Variants in ALG10B observed in about 807,000 individuals in gnomAD.
ALG10B encodes dol-P-Glc:Glc(2)Man(9)GlcNAc(2)-PP-Dol alpha-1,2-glucosyltransferase B.
ALG10B carries 27 observed loss-of-function variants against 38.7 expected under a neutral mutation model. That is an observed-to-expected ratio of 0.70 (90% CI 0.51 to 0.96). ALG10B has a LOEUF of 0.96. ALG10B is among the 40% of genes least tolerant of loss of function. The pLI is 0.00. For missense variants in ALG10B, 522 were observed against 542.7 expected (o/e 0.96, Z 0.38); for synonymous variants, 177 against 193.3 (o/e 0.92, Z 0.70).
rs112480678 is a variant in ALG10B at position 38,317,784 on chromosome 12, G to C, written c.172-477G>C. The C allele has an allele frequency of 4.9e-3, 847 of 173,818 alleles. 5 individuals are homozygous for C. Among genetic ancestry groups the C allele is most frequent in the Middle Eastern group, 5.8e-3 (2 of 344 alleles). The allele number at this position is 173,818 out of a possible 1,614,324, so 10.8% of individuals were successfully genotyped here. On this transcript the variant is annotated intron_variant, in intron 1 of 2. Transcript: ENST00000308742. Reference sequence around the variant, plus strand: ...AGATGTTCTGAGTTTCAGAAATTCAGGTTACTCATCTGCAAAATGACAATA... The same window carrying C: ...AGATGTTCTGAGTTTCAGAAATTCACGTTACTCATCTGCAAAATGACAATA...
Position 38,322,910 on chromosome 12 carries a change from G to A in ALG10B, c.*1697G>A, listed in dbSNP as rs1352337184. On this transcript the variant is annotated 3_prime_UTR_variant, in exon 3 of 3. Transcript: ENST00000308742. ...TTTCACTTACCATAATGTCCTCCAC[G>A]ATCATCCATATTGTTGCAAATGACA... 2 of 152,084 alleles carry A rather than the reference G, an allele frequency of 1.3e-5. No individual in the cohort carries two copies. Among genetic ancestry groups the A allele is most frequent in the East Asian group, 1.9e-4 (1 of 5,192 alleles). 9.4% of individuals were successfully genotyped at this position (152,084 alleles called of 1,614,324 possible).
chr12:38,322,874 T>A lies in ALG10B; in HGVS notation c.*1661T>A, dbSNP rs1945714759. On this transcript the variant is annotated 3_prime_UTR_variant, in exon 3 of 3. Transcript: ENST00000308742. ...AGATCATGTGGTATTTGTCTTTCTG[T>A]GCTTGGCTTATTTCACTTACCATAA... 6.6e-6 allele frequency: 1 copy of A among 152,226 alleles called. No individual in the cohort carries two copies. The highest frequency in any genetic ancestry group is 1.5e-5 in the Non-Finnish European group (1 of 68,024). 9.4% of individuals were successfully genotyped at this position (152,226 alleles called of 1,614,324 possible).
At chr12:38,318,570 A>G in intron 2 of ALG10B, 112 bp downstream of exon 2, 2 of 1,264,424 alleles carry the variant, frequency 1.6e-6, no homozygotes, top group Non-Finnish European at 2.3e-6. Context: ...GTAACTTTGT[A>G]TTTTTTGTAT....
chr12:38,328,570 ACT>A lies in ALG10B; in HGVS notation c.*7360_*7361del, dbSNP rs1289740175. On this transcript the variant is annotated 3_prime_UTR_variant, in exon 3 of 3. Transcript: ENST00000308742. ...TTAAACTTTTATTAGTCTGAATTAA[ACT>A]CTTTTATAGTGTTTTATTGTTTTAA... 3 of 151,754 alleles carry A rather than the reference ACT, an allele frequency of 2.0e-5. No individual in the cohort carries two copies. Among genetic ancestry groups the A allele is most frequent in the African/African-American group, 4.8e-5 (2 of 41,296 alleles). 9.4% of individuals were successfully genotyped at this position (151,754 alleles called of 1,614,324 possible). A position where few individuals can be genotyped will look rare whatever the true frequency, so the allele number is the denominator to read the frequency against.
intron 1 of ALG10B, chr12:38,317,662 C>G (rs1407600964): frequency 6.0e-6 from 1 of 166,456 alleles, no homozygotes; most frequent in Non-Finnish European, 1.3e-5. Flanking sequence ...TTTCTGGTGA[C>G]ACAATATAGG....
rs1371411825 is a variant in ALG10B, at chr12:38,325,996, A to T, written c.*4783A>T. 6.6e-6 allele frequency: 1 copy of T among 152,114 alleles called. No individual in the cohort carries two copies. The highest frequency in any genetic ancestry group is 1.5e-5 in the Non-Finnish European group (1 of 68,002). 9.4% of individuals were successfully genotyped at this position (152,114 alleles called of 1,614,324 possible). On this transcript the variant is annotated 3_prime_UTR_variant, in exon 3 of 3. Transcript: ENST00000308742. ...TAGGAAGTAAATCATGTTTCATAAT[A>T]AGAGTCATCCTAAACATTTTTCTGT...
In ALG10B at chr12:38,320,400, A is replaced by G; in HGVS notation, c.609A>G (p.Gln203=). ...AVFCAGNVIA[Q]KLTEAWKTEL... ...TCTGTGCAGGGAATGTCATTGCACA[A>G]AAGTTAACTGAGGCTTGGAAAACTG... The change falls in exon 3 of 3, where the codon CAA becomes CAG. Residue 203 remains glutamine, a synonymous_variant. Transcript: ENST00000308742. The G allele has an allele frequency of 6.2e-7, 1 of 1,614,110 alleles. No homozygotes were observed. Among genetic ancestry groups the G allele is most frequent in the Non-Finnish European group, 8.5e-7 (1 of 1,179,970 alleles).
At chr12:38,318,915 T>G (rs1456186032) in intron 2 of ALG10B, among the ~76,000 whole-genome samples, 1 of 152,198 alleles carries the variant, frequency 6.6e-6, no homozygotes, top group Non-Finnish European at 1.5e-5. Flanking sequence ...TGTGGGCAGG[T>G]TAACCCTTAG....
rs1945717657 is a variant in ALG10B at position 38,323,275 on chromosome 12, A to G, written c.*2062A>G. The G allele has an allele frequency of 6.6e-6, 1 of 152,344 alleles. No individual in the cohort carries two copies. The highest frequency in any genetic ancestry group is 1.5e-5 in the Non-Finnish European group (1 of 68,152). 9.4% of individuals were successfully genotyped at this position (152,344 alleles called of 1,614,324 possible). A position where few individuals can be genotyped will look rare whatever the true frequency, so the allele number is the denominator to read the frequency against. ...GTGTTTGATTCCATTATCTATTAAA[A>G]AAAGTCAGAATTGAAAGAAAGTTGA... On this transcript the variant is annotated 3_prime_UTR_variant, in exon 3 of 3. Coordinates refer to ENST00000308742, the MANE Select transcript of ALG10B (RefSeq NM_001013620.4).
At position 38,324,231 on chromosome 12, in the gene ALG10B, A is replaced by G. The variant is rs1028085038; in HGVS notation, c.*3018A>G. 5 of 299,886 alleles carry G rather than the reference A, an allele frequency of 1.7e-5. No homozygotes were observed. Among genetic ancestry groups the G allele is most frequent in the Admixed American group, 4.6e-5 (1 of 21,630 alleles). 18.6% of individuals were successfully genotyped at this position (299,886 alleles called of 1,614,324 possible). On this transcript the variant is annotated 3_prime_UTR_variant, in exon 3 of 3. Coordinates refer to ENST00000308742, the MANE Select transcript of ALG10B (RefSeq NM_001013620.4). ...CTATTTTTAGTAGAGCCGGGGTTTC[A>G]CCGTGTTAGCCAGGCTGGTCTCGAA...
rs746092678 is a variant in ALG10B at position 38,320,618 on chromosome 12, T to C, written c.827T>C (p.Ile276Thr). The C allele has an allele frequency of 6.2e-6, 10 of 1,614,102 alleles. No individual in the cohort carries two copies. Among genetic ancestry groups the C allele is most frequent in the South Asian group, 3.3e-5 (3 of 91,082 alleles). The part of the protein sequence containing the change: ...AFVVVNGGIV[I>T]GDRSSHEACL... ...GTAGTAGTTAATGGTGGAATTGTTA[T>C]TGGCGATCGGAGTAGTCATGAAGCC... The change falls in exon 3 of 3, where the codon ATT (isoleucine) becomes ACT (threonine). Residue 276 changes from isoleucine to threonine, a missense_variant. By Grantham distance (89) the Ile-to-Thr change is moderately conservative. Coordinates refer to ENST00000308742, the MANE Select transcript of ALG10B (RefSeq NM_001013620.4).
intron 2 of ALG10B, among the ~76,000 whole-genome samples, chr12:38,319,322 G>A (rs1014988912): frequency 2.0e-5 from 3 of 152,122 alleles, no homozygotes; most frequent in Non-Finnish European, 4.4e-5. Flanking sequence ...AGCAAAGGAA[G>A]AAAGGCATTG....
rs1371561514 is a variant in ALG10B at position 38,320,773 on chromosome 12, G to C, written c.982G>C (p.Val328Leu). 6.2e-7 allele frequency: 1 copy of C among 1,613,538 alleles called. No individual in the cohort carries two copies. The highest frequency in any genetic ancestry group is 8.5e-7 in the Non-Finnish European group (1 of 1,179,844). The change falls in exon 3 of 3, where the codon GTG becomes CTG. Residue 328 changes from valine to leucine, a missense_variant. By Grantham distance (32) the Val-to-Leu change is conservative (BLOSUM62 1). Coordinates refer to ENST00000308742, the MANE Select transcript of ALG10B (RefSeq NM_001013620.4). ...LVWKHGILFLVVTLVSVFLVW... is the reference protein window; with the variant it reads ...LVWKHGILFLLVTLVSVFLVW... ...TTGGAAACATGGAATTCTGTTTTTG[G>C]TGGTTACCTTAGTCTCTGTGTTTTT... is the stretch of plus-strand genomic sequence containing the variant.
rs1326576455 is a variant in ALG10B at position 38,328,027 on chromosome 12, A to C, written c.*6814A>C. 6.6e-6 allele frequency: 1 copy of C among 152,208 alleles called. No individual in the cohort carries two copies. Among genetic ancestry groups the C allele is most frequent in the Admixed American group, 6.5e-5 (1 of 15,284 alleles). The allele number at this position is 152,208 out of a possible 1,614,324, so 9.4% of individuals were successfully genotyped here. A position where few individuals can be genotyped will look rare whatever the true frequency, so the allele number is the denominator to read the frequency against. On this transcript the variant is annotated 3_prime_UTR_variant, in exon 3 of 3. Transcript: ENST00000308742. The stretch of plus-strand genomic sequence containing the variant: ...TTCTAATTGTTTAGTCTTTTTAGGG[A>C]AACAAGCCCAGAAAAAAAGTAAGAT...
chr12:38,320,949 C>T lies in ALG10B; in HGVS notation c.1158C>T (p.Asp386=). 6.2e-7 allele frequency: 1 copy of T among 1,613,706 alleles called. No homozygotes were observed. The highest frequency in any genetic ancestry group is 1.1e-5 in the South Asian group (1 of 91,018). The change falls in exon 3 of 3, where the codon GAC becomes GAT. Residue 386 remains aspartate, a synonymous_variant. Coordinates refer to ENST00000308742, the MANE Select transcript of ALG10B (RefSeq NM_001013620.4). ...AYIFAGWSIA[D]SLKSKPIFWN... Reference sequence around the variant, plus strand: ...TATTTGCTGGTTGGAGTATAGCTGACTCATTGAAATCAAAGCCAATTTTTT... The same window carrying T: ...TATTTGCTGGTTGGAGTATAGCTGATTCATTGAAATCAAAGCCAATTTTTT...
In ALG10B at chr12:38,323,722, G is replaced by A. The variant is rs1425264784; in HGVS notation, c.*2509G>A. On this transcript the variant is annotated 3_prime_UTR_variant, in exon 3 of 3. Coordinates refer to ENST00000308742, the MANE Select transcript of ALG10B (RefSeq NM_001013620.4). ...ATCGGCATTAGTTATAACAGTGATT[G>A]TAGAAAAACGTGTTTTACCCAGACT... 5.1e-6 allele frequency: 3 copies of A among 593,048 alleles called. No individual in the cohort carries two copies. The highest frequency in any genetic ancestry group is 8.9e-6 in the Non-Finnish European group (3 of 335,928). The allele number at this position is 593,048 out of a possible 1,614,324, so 36.7% of individuals were successfully genotyped here.
rs1326258671 is a variant in ALG10B at position 38,325,807 on chromosome 12, G to A, written c.*4594G>A. On this transcript the variant is annotated 3_prime_UTR_variant, in exon 3 of 3. Transcript: ENST00000308742. ...TCCTAACTCTAGTCAGTGTCTGATT[G>A]GTATGTGTATAACCTTATTTTAAAA... 1 of 151,918 alleles carries A rather than the reference G, an allele frequency of 6.6e-6. No homozygotes were observed. The highest frequency in any genetic ancestry group is 2.4e-5 in the African/African-American group (1 of 41,332). The allele number at this position is 151,918 out of a possible 1,614,324, so 9.4% of individuals were successfully genotyped here. A position where few individuals can be genotyped will look rare whatever the true frequency, so the allele number is the denominator to read the frequency against.
In ALG10B at chr12:38,320,627, G is replaced by A. The variant is rs138061900; in HGVS notation, c.836G>A (p.Arg279Gln). ...AATGGTGGAATTGTTATTGGCGATCGGAGTAGTCATGAAGCCTGTCTTCAT... is the reference window on the plus strand; with the variant it reads ...AATGGTGGAATTGTTATTGGCGATCAGAGTAGTCATGAAGCCTGTCTTCAT... ...VVNGGIVIGD[R>Q]SSHEACLHFP... Residue 279 changes from arginine (R) to glutamine (Q), a missense_variant, in exon 3 of 3, where the codon CGG (arginine) becomes CAG (glutamine). Coordinates refer to ENST00000308742, the MANE Select transcript of ALG10B (RefSeq NM_001013620.4). The A allele has an allele frequency of 3.1e-5, 50 of 1,613,796 alleles. No individual in the cohort carries two copies. Among genetic ancestry groups the A allele is most frequent in the African/African-American group, 2.3e-4 (17 of 74,884 alleles).
rs939982794 is a variant in ALG10B at position 38,324,342 on chromosome 12, C to T, written c.*3129C>T. On this transcript the variant is annotated 3_prime_UTR_variant, in exon 3 of 3. Transcript: ENST00000308742. Reference sequence around the variant, plus strand: ...GCCACTGTGCCCAGCTCTTCTAGTTCATTTTTAAGTGTTGAGTCCCTGCTG... The same window carrying T: ...GCCACTGTGCCCAGCTCTTCTAGTTTATTTTTAAGTGTTGAGTCCCTGCTG... 2 of 151,608 alleles carry T rather than the reference C, an allele frequency of 1.3e-5. No homozygotes were observed. The highest frequency in any genetic ancestry group is 5.3e-5 in the African/African-American group (2 of 37,660). The allele number at this position is 151,608 out of a possible 1,614,324, so 9.4% of individuals were successfully genotyped here.
Sources: gnomAD v4.1 joint callset for allele counts (sites outside exome capture counted in the v4.1 genomes callset) on GRCh38, gnomAD v4.1.1 for gene constraint, MANE v1.5 for transcripts, NCBI Gene and HGNC (gene_info 2026-07-23, HGNC 2026-07-21) for gene names.